The following ALG9 variants were observed in gnomAD, a reference collection of about 807,000 sequenced individuals.
ALG9 encodes alpha-1,2-mannosyltransferase ALG9.
ALG9 carries 55 observed loss-of-function variants against 81.8 expected under a neutral mutation model. That is an observed-to-expected ratio of 0.67 (90% CI 0.54 to 0.84). The LOEUF (loss-of-function observed/expected upper bound fraction) is 0.84. ALG9 is among the 40% of genes least tolerant of loss of function. The pLI, the probability that ALG9 is intolerant of heterozygous loss-of-function variation, is 0.00. For synonymous variants in ALG9, 278 were observed against 274.3 expected (o/e 1.01, Z -0.13); for missense variants, 629 against 745.0 (o/e 0.84, Z 1.81).
In ALG9 at chr11:111,788,974, G is replaced by A. The variant is rs183192373; in HGVS notation, c.1734-2454C>T. On this transcript the variant is annotated intron_variant, in intron 14 of 14. Transcript: ENST00000616540. ...AACTCAGTCCTTAGTATAACCTCAGGGTCCAGTGGACCCAATTTTAGTTTT... is the reference window on the plus strand; with the variant it reads ...AACTCAGTCCTTAGTATAACCTCAGAGTCCAGTGGACCCAATTTTAGTTTT... Among the ~76,000 whole-genome samples, 9 of 151,762 alleles carry A rather than the reference G, an allele frequency of 5.9e-5. No individual in the cohort carries two copies. In the East Asian group the frequency reaches 1.7e-3, roughly 29 times the overall value.
intron 8 of ALG9, among the ~76,000 whole-genome samples, chr11:111,845,730 C>T (rs1235607782): frequency 1.3e-5 from 2 of 152,154 alleles, no homozygotes; most frequent in Non-Finnish European, 2.9e-5. Context: ...TTGTGACACC[C>T]GCCTTGCACC....
intron 13 of ALG9, chr11:111,828,810 T>C (rs559915743): frequency 9.2e-5 from 14 of 152,318 alleles, no homozygotes; most frequent in Middle Eastern, 3.4e-3. Context: ...TAAAACATTA[T>C]TTATTACAAA....
chr11:111,790,298 G>C (rs1947205493), intron 14 of ALG9, among the ~76,000 whole-genome samples: 1 of 152,086 alleles, frequency 6.6e-6, no homozygotes. Flanking sequence ...CTGCACTCCA[G>C]CCTGGGTGAT....
chr11:111,832,613 T>C (rs1398764251), intron 13 of ALG9, among the ~76,000 whole-genome samples: 1 of 152,212 alleles, frequency 6.6e-6, no homozygotes, highest in African/African-American at 2.4e-5. Context: ...TTAAGTATTG[T>C]GTCCCTAACT....
intron 13 of ALG9, among the ~76,000 whole-genome samples, chr11:111,823,488 C>T (rs1440308738): frequency 6.6e-6 from 1 of 152,130 alleles, no homozygotes; most frequent in Non-Finnish European, 1.5e-5. Flanking sequence ...AACACAGTTA[C>T]ATTTGTGACT....
intron 8 of ALG9, chr11:111,845,420 T>C (rs1265791310): frequency 6.6e-6 from 1 of 152,504 alleles, no homozygotes; most frequent in Non-Finnish European, 1.5e-5. Flanking sequence ...CTCAACCACT[T>C]ATAGTCGCGT....
At chr11:111,869,047 G>C (rs1466532767) in intron 2 of ALG9, among the ~76,000 whole-genome samples, 1 of 152,070 alleles carries the variant, frequency 6.6e-6, no homozygotes, top group African/African-American at 2.4e-5. Flanking sequence ...ACTTGAGCCT[G>C]GGAATTAGAG....
intron 2 of ALG9, 100 bp downstream of exon 2, chr11:111,870,132 T>C (rs1341241492): frequency 7.7e-7 from 1 of 1,302,230 alleles, no homozygotes; most frequent in Non-Finnish European, 1.0e-6. Context: ...ACAGTTATTT[T>C]ACTAGGAGTC....
intron 9 of ALG9, 101 bp downstream of exon 9, chr11:111,844,499 GA>G: frequency 6.6e-7 from 1 of 1,524,398 alleles, no homozygotes; most frequent in South Asian, 1.1e-5. Flanking sequence ...TCCATAGGAA[GA>G]ATGTGGAAAA....
the ALG9 span, among the ~76,000 whole-genome samples, chr11:111,773,900 G>A: frequency 1.3e-5 from 2 of 150,362 alleles, no homozygotes; most frequent in African/African-American, 4.9e-5. Context: ...GATGACAAGT[G>A]TATGTCACCA....
At chr11:111,792,059 G>A (rs1947513511) in intron 14 of ALG9, among the ~76,000 whole-genome samples, 1 of 152,308 alleles carries the variant, frequency 6.6e-6, no homozygotes, top group Middle Eastern at 3.4e-3. Flanking sequence ...CTCCAGCCTG[G>A]GTGACAGGGC....
chr11:111,856,764 A>T (rs1555143473), intron 6 of ALG9, among the ~76,000 whole-genome samples: 1 of 152,114 alleles, frequency 6.6e-6, no homozygotes, highest in Non-Finnish European at 1.5e-5. Context: ...AGTGGGAACA[A>T]AGAGTATACA....
At chr11:111,835,971 G>A (rs1008036127) in intron 13 of ALG9, among the ~76,000 whole-genome samples, 194 bp downstream of exon 13, 3 of 151,998 alleles carry the variant, frequency 2.0e-5, no homozygotes, top group East Asian at 3.9e-4. Context: ...GGCTGGTCTC[G>A]AACTTCTGAA....
chr11:111,781,835 G>T (rs1448677846), downstream of ALG9, among the ~76,000 whole-genome samples: 1 of 152,094 alleles, frequency 6.6e-6, no homozygotes, highest in Non-Finnish European at 1.5e-5. Flanking sequence ...TAGTAGAGAC[G>T]TGGTTTCACC....
intron 6 of ALG9, among the ~76,000 whole-genome samples, chr11:111,856,393 T>C (rs1958690911): frequency 6.6e-6 from 1 of 151,694 alleles, no homozygotes; most frequent in Admixed American, 6.6e-5. Flanking sequence ...TGGAATGTTA[T>C]GCAACCAATA....
chr11:111,857,471 TC>T (rs1958890084), intron 6 of ALG9, 130 bp downstream of exon 6: 6 of 1,193,702 alleles, frequency 5.0e-6, no homozygotes, highest in Non-Finnish European at 7.3e-6. Flanking sequence ...GAAATATTCT[TC>T]CATTTCCCAG....
At chr11:111,841,691 C>A (rs1956241115) in intron 9 of ALG9, among the ~76,000 whole-genome samples, 1 of 152,200 alleles carries the variant, frequency 6.6e-6, no homozygotes, top group South Asian at 2.1e-4. Context: ...TTTACAAGAT[C>A]AGGATTATCG....
At chr11:111,770,187 T>G in the ALG9 span, among the ~76,000 whole-genome samples, 1 of 152,202 alleles carries the variant, frequency 6.6e-6, no homozygotes, top group African/African-American at 2.4e-5. Context: ...TCACTTAAGA[T>G]GCCTGTTAAA....
At chr11:111,789,006 T>C (rs1946926224) in intron 14 of ALG9, among the ~76,000 whole-genome samples, 1 of 139,576 alleles carries the variant, frequency 7.2e-6, no homozygotes, top group Non-Finnish European at 1.6e-5. Context: ...TTTTCAACTT[T>C]CTTTTTTTTT....
Sources: gnomAD v4.1 joint callset for allele counts (sites outside exome capture counted in the v4.1 genomes callset) on GRCh38, gnomAD v4.1.1 for gene constraint, MANE v1.5 for transcripts, NCBI Gene and HGNC (gene_info 2026-07-23, HGNC 2026-07-21) for gene names.